Variants in LMNB2 observed in about 807,000 individuals in gnomAD.
The protein encoded by LMNB2 is lamin-B2.
In LMNB2, 17 loss-of-function variants were observed where a neutral mutation model predicts 69.3. That is an observed-to-expected ratio of 0.25 (90% confidence interval 0.17 to 0.37). LMNB2 has a LOEUF of 0.37. Among genes scored for constraint, LMNB2 ranks in the 10% least tolerant of loss-of-function variants. LMNB2 has a pLI of 1.00. For synonymous variants in LMNB2, 397 were observed against 389.3 expected, an observed-to-expected ratio of 1.02 and a Z score of -0.23; for missense variants, 789 against 883.6, an observed-to-expected ratio of 0.89 and a Z score of 1.36.
rs1295379008 is a variant in LMNB2 at position 2,429,769 on chromosome 19, G to T, written c.*1142C>A. On this transcript the variant is annotated 3_prime_UTR_variant, in exon 12 of 12. Coordinates refer to ENST00000325327, the MANE Select transcript of LMNB2 (RefSeq NM_032737.4). Reference sequence around the variant, plus strand: ...GCTCCTGACCTGTGTACTGACCAATGTAAAAAAATAAATATCCATTAAAAA... The same window carrying T: ...GCTCCTGACCTGTGTACTGACCAATTTAAAAAAATAAATATCCATTAAAAA... 6.6e-6 allele frequency: 1 copy of T among 152,134 alleles called. No homozygotes were observed. Among genetic ancestry groups the T allele is most frequent in the Non-Finnish European group, 1.5e-5 (1 of 68,024 alleles). 9.4% of individuals were successfully genotyped at this position (152,134 alleles called of 1,614,324 possible).
intron 9 of LMNB2, 126 bp from the exon 10 acceptor site, chr19:2,432,028 A>G: frequency 1.6e-6 from 2 of 1,227,276 alleles, no homozygotes; most frequent in Non-Finnish European, 2.3e-6. Context: ...AGCCCGACGC[A>G]GGCTTATCCA....
At chr19:2,452,340 ACGAGAAGCC>A (rs995389095) in intron 1 of LMNB2, among the ~76,000 whole-genome samples, 6 of 152,144 alleles carry the variant, frequency 3.9e-5, no homozygotes, top group African/African-American at 1.2e-4. Context: ...AGGCTGAGGC[ACGAGAAGCC>A]CTTGAACCCA....
intron 1 of LMNB2, among the ~76,000 whole-genome samples, chr19:2,455,925 C>A (rs1418458758): frequency 6.6e-6 from 1 of 150,942 alleles, no homozygotes; most frequent in Non-Finnish European, 1.5e-5. Context: ...CACTCAGGGA[C>A]CCCTTGAAAC....
intron 8 of LMNB2, 73 bp from the exon 9 acceptor site, chr19:2,432,596 GC>G: frequency 2.4e-6 from 3 of 1,276,468 alleles, no homozygotes; most frequent in Non-Finnish European, 3.4e-6. Context: ...CTGGCTGGTG[GC>G]CCCATCACCC....
rs1477861416 is a variant in LMNB2 at position 2,430,557 on chromosome 19, C to G, written c.*354G>C. On this transcript the variant is annotated 3_prime_UTR_variant, in exon 12 of 12. Coordinates refer to ENST00000325327, the MANE Select transcript of LMNB2 (RefSeq NM_032737.4). The stretch of plus-strand genomic sequence containing the variant: ...GAATTCCTACGCAGTTTCCGCGCTC[C>G]GTCCGCAGCAGGGCCGTCTCCTGTC... 2.6e-6 allele frequency: 1 copy of G among 387,082 alleles called. No homozygotes were observed. The highest frequency in any genetic ancestry group is 2.1e-5 in the African/African-American group (1 of 48,422). The allele number at this position is 387,082 out of a possible 1,614,324, so 24.0% of individuals were successfully genotyped here.
In LMNB2 at chr19:2,441,917, C is replaced by T. The variant is rs918087206; in HGVS notation, c.401+2487G>A. Among the ~76,000 whole-genome samples, 6 of 152,196 alleles carry T rather than the reference C, an allele frequency of 3.9e-5. No individual in the cohort carries two copies. The South Asian group carries it at 6.2e-4, about 16-fold the overall frequency. ...CAGCTCAGAGGACTGGAGCGGAGATCGGGGAATCCGGGAAGCTCCTCAGCA... is the reference window on the plus strand; with the variant it reads ...CAGCTCAGAGGACTGGAGCGGAGATTGGGGAATCCGGGAAGCTCCTCAGCA... On this transcript the variant is annotated intron_variant, in intron 2 of 11. Coordinates refer to ENST00000325327, the MANE Select transcript of LMNB2 (RefSeq NM_032737.4).
chr19:2,432,498 A>C lies in LMNB2; in HGVS notation c.1508T>G (p.Ile503Ser), dbSNP rs771866902. ...DKDQSLGNWR[I>S]KRQVLEGEEI... Reference sequence around the variant, plus strand: ...CTCCCCCTCCAAGACCTGCCTCTTGATTCTCCAGTTCCCCAGAGACTGATC... The same window carrying C: ...CTCCCCCTCCAAGACCTGCCTCTTGCTTCTCCAGTTCCCCAGAGACTGATC... Residue 503 changes from isoleucine (I) to serine (S), a missense_variant, in exon 9 of 12, where the codon ATC (isoleucine) becomes AGC (serine). Ile to Ser is a moderately radical substitution (Grantham distance 142). Coordinates refer to ENST00000325327, the MANE Select transcript of LMNB2 (RefSeq NM_032737.4). The C allele has an allele frequency of 6.2e-7, 1 of 1,613,734 alleles. No homozygotes were observed. The highest frequency in any genetic ancestry group is 8.5e-7 in the Non-Finnish European group (1 of 1,179,878).
Position 2,431,584 on chromosome 19 carries a change from TTCC to T in LMNB2, c.1782_1784del (p.Glu595del), listed in dbSNP as rs777407254. The T allele has an allele frequency of 8.7e-6, 14 of 1,614,004 alleles. No individual in the cohort carries two copies. The South Asian group carries it at 9.9e-5, about 11-fold the overall frequency. ...AAAGATCCTCCTCGCCAAACTCGGC[TTCC>T]TCCTCCTCTTCCTCCCCATTCTCAT... On this transcript the variant is annotated inframe_deletion, in exon 11 of 12. Transcript: ENST00000325327.
rs199897691 is a variant in LMNB2 at position 2,430,867 on chromosome 19, A to G, written c.*44T>C. The G allele has an allele frequency of 1.4e-4, 184 of 1,275,912 alleles. 1 individual carries two copies. The highest frequency in any genetic ancestry group is 5.6e-4 in the South Asian group (47 of 84,250). 79.0% of individuals were successfully genotyped at this position (1,275,912 alleles called of 1,614,324 possible). A position where few individuals can be genotyped will look rare whatever the true frequency, so the allele number is the denominator to read the frequency against. Reference sequence around the variant, plus strand: ...AGCCAATGATATAAAAATAGTTTTCAGTGGCTCTGGGTAAAGAAAGGTGTG... The same window carrying G: ...AGCCAATGATATAAAAATAGTTTTCGGTGGCTCTGGGTAAAGAAAGGTGTG... On this transcript the variant is annotated 3_prime_UTR_variant, in exon 12 of 12. Transcript: ENST00000325327.
In LMNB2 at chr19:2,433,934, G is replaced by A. The variant is rs1353069051; in HGVS notation, c.1374C>T (p.Gly458=). Residue 458 remains glycine (G), a synonymous_variant, in exon 8 of 12, where the codon GGC becomes GGT. Transcript: ENST00000325327. ...GPSVLGTGTG[G]SGGFHLAQQA... ...GCTGGGCCAGGTGGAAGCCACCGCT[G>A]CCACCCGTGCCCGTGCCCAGGACGC... 6.2e-7 allele frequency: 1 copy of A among 1,612,418 alleles called. No individual in the cohort carries two copies. The highest frequency in any genetic ancestry group is 1.1e-5 in the South Asian group (1 of 91,074).
intron 2 of LMNB2, among the ~76,000 whole-genome samples, chr19:2,441,717 G>C (rs1441448066): frequency 1.3e-5 from 2 of 152,264 alleles, no homozygotes; most frequent in African/African-American, 2.4e-5. Flanking sequence ...CTGCCTACCA[G>C]ACAGGAGGTT....
chr19:2,430,857 A>C lies in LMNB2; in HGVS notation c.*54T>G, dbSNP rs903819307. 42 of 1,133,912 alleles carry C rather than the reference A, an allele frequency of 3.7e-5. No individual in the cohort carries two copies. The highest frequency in any genetic ancestry group is 5.1e-5 in the Non-Finnish European group (38 of 741,280). 70.2% of individuals were successfully genotyped at this position (1,133,912 alleles called of 1,614,324 possible). Reference sequence around the variant, plus strand: ...AACTAAAGAAAGCCAATGATATAAAAATAGTTTTCAGTGGCTCTGGGTAAA... The same window carrying C: ...AACTAAAGAAAGCCAATGATATAAACATAGTTTTCAGTGGCTCTGGGTAAA... On this transcript the variant is annotated 3_prime_UTR_variant, in exon 12 of 12. Transcript: ENST00000325327.
Position 2,434,008 on chromosome 19 carries a change from T to C in LMNB2, c.1300A>G (p.Ser434Gly), listed in dbSNP as rs537541710. The change falls in exon 8 of 12, where the codon AGT becomes GGT. Residue 434 changes from serine to glycine, a missense_variant. Coordinates refer to ENST00000325327, the MANE Select transcript of LMNB2 (RefSeq NM_032737.4). ...SLSATGRLGRSKRKRLEVEEP... is the reference protein window; with the variant it reads ...SLSATGRLGRGKRKRLEVEEP... ...TCCACCTCCAGCCGCTTCCGCTTAC[T>C]GCGGCCCAGGCGCCCGGTGGCGGAC... is the stretch of plus-strand genomic sequence containing the variant. 4 of 1,608,746 alleles carry C rather than the reference T, an allele frequency of 2.5e-6. No individual in the cohort carries two copies. In the South Asian group the frequency reaches 4.4e-5, roughly 18 times the overall value.
chr19:2,456,169 G>A (rs771503108), intron 1 of LMNB2, among the ~76,000 whole-genome samples: 1 of 151,022 alleles, frequency 6.6e-6, no homozygotes, highest in Non-Finnish European at 1.5e-5. Context: ...GAAACGCGGC[G>A]GAGATCCCCG....
chr19:2,449,745 G>T (rs1971998992), intron 1 of LMNB2, among the ~76,000 whole-genome samples: 1 of 151,258 alleles, frequency 6.6e-6, no homozygotes, highest in Admixed American at 6.6e-5. Context: ...CCACTACGCT[G>T]CAGCCTGGGT....
intron 8 of LMNB2, among the ~76,000 whole-genome samples, chr19:2,432,833 C>T (rs1262342039): frequency 1.4e-5 from 2 of 142,228 alleles, no homozygotes; most frequent in Non-Finnish European, 3.1e-5. Flanking sequence ...CTGGTCACCC[C>T]ATCAGCTGGG....
rs371260819 is a variant in LMNB2 at position 2,432,159 on chromosome 19, C to T, written c.1590+257G>A. On this transcript the variant is annotated intron_variant, in intron 9 of 11. Transcript: ENST00000325327. ...CAGGCTCCATGGCCCATGCGCCTGACTGTTAACACTTCACGGGGACGCCTG... is the reference window on the plus strand; with the variant it reads ...CAGGCTCCATGGCCCATGCGCCTGATTGTTAACACTTCACGGGGACGCCTG... Among the ~76,000 whole-genome samples the T allele has an allele frequency of 1.6e-3, 238 of 152,260 alleles. 1 individual carries two copies. The highest frequency in any genetic ancestry group is 5.3e-3 in the African/African-American group (219 of 41,542).
At chr19:2,448,551 T>A (rs1448046083) in intron 1 of LMNB2, among the ~76,000 whole-genome samples, 1 of 152,176 alleles carries the variant, frequency 6.6e-6, no homozygotes, top group Non-Finnish European at 1.5e-5. Context: ...GGCGGTCCTG[T>A]AAGACTCTAA....
At chr19:2,435,211 G>A in intron 4 of LMNB2, 40 bp from the exon 5 acceptor site, 1 of 1,595,728 alleles carries the variant, frequency 6.3e-7, no homozygotes. Flanking sequence ...TCCCGCCTGG[G>A]CCCCAAGCAC....
Sources: allele counts gnomAD v4.1 joint callset (sites outside exome capture counted in the v4.1 genomes callset), GRCh38; gene constraint gnomAD v4.1.1; transcripts MANE v1.5; gene names NCBI Gene and HGNC (gene_info 2026-07-23, HGNC 2026-07-21).